The following KIF6 variants were observed in gnomAD, a reference collection of about 807,000 sequenced individuals.
The protein encoded by KIF6 is kinesin-like protein KIF6.
In KIF6, 106 loss-of-function variants were observed where a neutral mutation model predicts 112.7. That is an observed-to-expected ratio of 0.94 (90% confidence interval 0.80 to 1.11). The LOEUF (loss-of-function observed/expected upper bound fraction) is 1.11, where lower values mean the gene tolerates loss of function less well. Among genes scored for constraint, KIF6 ranks in the 50% least tolerant of loss-of-function variants. The pLI is 0.00. For missense variants in KIF6, 929 were observed against 964.0 expected (o/e 0.96, Z 0.48); for synonymous variants, 339 against 339.9 (o/e 1.00, Z 0.03).
At chr6:39,432,779 A>G (rs1249200914) in intron 13 of KIF6, among the ~76,000 whole-genome samples, 2 of 152,222 alleles carry the variant, frequency 1.3e-5, no homozygotes, top group African/African-American at 2.4e-5. Flanking sequence ...CCGGGTCTGC[A>G]CCCAGTTCTA....
chr6:39,583,982 T>C (rs1353275381), intron 9 of KIF6, among the ~76,000 whole-genome samples: 1 of 152,100 alleles, frequency 6.6e-6, no homozygotes, highest in East Asian at 1.9e-4. Flanking sequence ...AAGCAGGATT[T>C]ACTGTTATAA....
chr6:39,490,109 C>T (rs139151185), intron 13 of KIF6, among the ~76,000 whole-genome samples: 124 of 152,312 alleles, frequency 8.1e-4, no homozygotes, highest in Middle Eastern at 6.8e-3. Flanking sequence ...AGAGTTCCTG[C>T]TTCAGATAAG....
chr6:39,570,782 G>A (rs1780596918), intron 10 of KIF6, among the ~76,000 whole-genome samples: 1 of 152,150 alleles, frequency 6.6e-6, no homozygotes, highest in African/African-American at 2.4e-5. Flanking sequence ...GAAGGTGCCT[G>A]CTTCTCCTTT....
At chr6:39,689,367 GT>G (rs932092732) in intron 3 of KIF6, among the ~76,000 whole-genome samples, 1 of 151,940 alleles carries the variant, frequency 6.6e-6, no homozygotes, top group Admixed American at 6.6e-5. Context: ...GTGGTGGTGC[GT>G]GCCTGTGGTC....
intron 15 of KIF6, among the ~76,000 whole-genome samples, chr6:39,412,876 C>T (rs1029473950): frequency 1.3e-5 from 2 of 152,122 alleles, no homozygotes; most frequent in African/African-American, 4.8e-5. Context: ...TATCGTGCTG[C>T]TGTCCCCCAT....
chr6:39,446,813 T>C (rs1772359941), intron 13 of KIF6, among the ~76,000 whole-genome samples: 1 of 152,218 alleles, frequency 6.6e-6, no homozygotes, highest in South Asian at 2.1e-4. Flanking sequence ...TTAAAAACGT[T>C]ATTTGTTAAA....
chr6:39,435,183 A>G (rs1562214261), intron 13 of KIF6, among the ~76,000 whole-genome samples: 1 of 152,266 alleles, frequency 6.6e-6, no homozygotes, highest in African/African-American at 2.4e-5. Flanking sequence ...TGACCTCGTA[A>G]TATTAATAGT....
chr6:39,469,083 T>C (rs1773972936), intron 13 of KIF6, among the ~76,000 whole-genome samples: 1 of 152,094 alleles, frequency 6.6e-6, no homozygotes, highest in African/African-American at 2.4e-5. Context: ...CCTATCTCAC[T>C]GGAATTAATT....
At chr6:39,707,248 C>G (rs1157556851) in intron 3 of KIF6, among the ~76,000 whole-genome samples, 1 of 152,194 alleles carries the variant, frequency 6.6e-6, no homozygotes, top group Non-Finnish European at 1.5e-5. Context: ...CCTTACTTCC[C>G]TTAGGGCCCC....
At chr6:39,721,630 G>T (rs1251966894) in intron 1 of KIF6, among the ~76,000 whole-genome samples, 2 of 152,092 alleles carry the variant, frequency 1.3e-5, no homozygotes, top group African/African-American at 4.8e-5. Flanking sequence ...GTCCAACACT[G>T]AGCTCAATTT....
In KIF6 at chr6:39,336,350, C is replaced by T. The variant is rs939409545; in HGVS notation, c.*182G>A. 7.7e-5 allele frequency: 48 copies of T among 622,828 alleles called. No individual in the cohort carries two copies. The highest frequency in any genetic ancestry group is 5.9e-4 in the South Asian group (31 of 52,636). The allele number at this position is 622,828 out of a possible 1,614,324, so 38.6% of individuals were successfully genotyped here. On this transcript the variant is annotated 3_prime_UTR_variant, in exon 23 of 23. Coordinates refer to ENST00000287152, the MANE Select transcript of KIF6 (RefSeq NM_145027.6). ...TGTTGTGGTCAGCCCCAGCCCCAGC[C>T]TCTCGGTGGCCTCCAGGTCAGCATC...
At chr6:39,337,151 T>TTCC (rs1762988579) in intron 22 of KIF6, among the ~76,000 whole-genome samples, 4 of 84,368 alleles carry the variant, frequency 4.7e-5, no homozygotes, top group Admixed American at 4.3e-4. Context: ...TTCCTTTCTC[T>TTCC]TTCTTTTCTT....
At chr6:39,551,453 A>G (rs947478466) in intron 10 of KIF6, among the ~76,000 whole-genome samples, 8 of 152,178 alleles carry the variant, frequency 5.3e-5, no homozygotes, top group Non-Finnish European at 1.2e-4. Flanking sequence ...TATAGTTAAC[A>G]ATAATTTATT....
intron 16 of KIF6, among the ~76,000 whole-genome samples, chr6:39,377,892 A>AGATTTTTGTTCAAGGT (rs1382522652): frequency 6.6e-6 from 1 of 151,920 alleles, no homozygotes; most frequent in Non-Finnish European, 1.5e-5. Context: ...TTGTTCAAGG[A>AGATTTTTGTTCAAGGT]GATCTTTGTT....
chr6:39,346,970 A>G (rs1225720707), intron 19 of KIF6, among the ~76,000 whole-genome samples: 1 of 152,212 alleles, frequency 6.6e-6, no homozygotes, highest in Non-Finnish European at 1.5e-5. Context: ...TTTCATTGTT[A>G]GAGCATGCAT....
intron 13 of KIF6, among the ~76,000 whole-genome samples, chr6:39,526,834 T>A (rs1777767117): frequency 6.6e-6 from 1 of 152,202 alleles, no homozygotes; most frequent in African/African-American, 2.4e-5. Context: ...CATGAGGAAA[T>A]GCAAAGATCA....
At chr6:39,400,079 G>C (rs1483679120) in intron 15 of KIF6, among the ~76,000 whole-genome samples, 1 of 152,216 alleles carries the variant, frequency 6.6e-6, no homozygotes, top group Non-Finnish European at 1.5e-5. Flanking sequence ...TGCTTTGATG[G>C]GAGTGGATTA....
Position 39,635,894 on chromosome 6 carries a change from G to A in KIF6, c.400-936C>T, listed in dbSNP as rs534588523. Among the ~76,000 whole-genome samples the A allele has an allele frequency of 2.6e-5, 4 of 152,144 alleles. No individual in the cohort carries two copies. In the South Asian group the frequency reaches 8.3e-4, roughly 32 times the overall value. ...TTATCATGCTTCTCATAAGAGGAGA[G>A]TATATTTGGGTCTTGTGGCAAGCAG... On this transcript the variant is annotated intron_variant, in intron 4 of 22. Transcript: ENST00000287152.
At chr6:39,566,187 G>A (rs1466431538) in intron 10 of KIF6, among the ~76,000 whole-genome samples, 3 of 152,114 alleles carry the variant, frequency 2.0e-5, no homozygotes, top group Admixed American at 1.3e-4. Context: ...GCATATACAT[G>A]TTGCTTTCTT....
Sources: allele counts gnomAD v4.1 joint callset (sites outside exome capture counted in the v4.1 genomes callset), GRCh38; gene constraint gnomAD v4.1.1; transcripts MANE v1.5; gene names NCBI Gene and HGNC (gene_info 2026-07-23, HGNC 2026-07-21).